CPVL: variants seen among roughly 807,000 people sequenced by gnomAD.
CPVL encodes the protein carboxypeptidase vitellogenic like, also known as probable serine carboxypeptidase CPVL.
Under a neutral mutation model 63.7 loss-of-function variants are expected in CPVL, and 51 were observed. The observed-to-expected ratio is 0.80, with a 90% CI of 0.64 to 1.01. CPVL has a LOEUF of 1.01. Ranked by LOEUF, CPVL falls within the 50% of genes least tolerant of loss-of-function variation. CPVL has a pLI of 0.00. For synonymous variants in CPVL, 195 were observed against 206.0 expected, an observed-to-expected ratio of 0.95 and a Z score of 0.46; for missense variants, 530 against 573.1, an observed-to-expected ratio of 0.92 and a Z score of 0.77.
chr7:29,158,761 GAA>G (rs2128705829), intron 5 of CPVL, among the ~76,000 whole-genome samples: 1 of 152,290 alleles, frequency 6.6e-6, no homozygotes, highest in African/African-American at 2.4e-5. Context: ...AATCAAATGT[GAA>G]AGAGATTAGT....
intron 7 of CPVL, among the ~76,000 whole-genome samples, chr7:29,076,699 C>A (rs543639429): frequency 2.9e-4 from 44 of 152,244 alleles, no homozygotes; most frequent in African/African-American, 1.0e-3. Context: ...AGCTCACCTC[C>A]AACAAGAAGG....
Position 29,112,740 on chromosome 7 carries a change from G to C in CPVL, c.252C>G (p.Tyr84Ter), listed in dbSNP as rs556210551. The C allele has an allele frequency of 2.5e-6, 4 of 1,613,524 alleles. No individual in the cohort carries two copies. Among genetic ancestry groups the C allele is most frequent in the Non-Finnish European group, 3.4e-6 (4 of 1,179,746 alleles). ...YAGFLTVNKT[Y>*]NSNLFFWFFP... The stretch of plus-strand genomic sequence containing the variant: ...AGAACCAGAAGAAGAGGTTGCTGTT[G>C]TAAGTCTTATTCACGGTGAGGAAGC... The change falls in exon 3 of 13, where the codon TAC becomes TAG. Residue 84 changes from tyrosine to a stop codon, truncating the protein, a stop_gained. Transcript: ENST00000265394. LOFTEE classifies it high-confidence loss of function.
At chr7:29,187,369 AAG>A (rs1318101553) in intron 1 of CPVL, among the ~76,000 whole-genome samples, 4 of 150,918 alleles carry the variant, frequency 2.7e-5, no homozygotes, top group Middle Eastern at 3.2e-3. Context: ...GTGTGTGACA[AAG>A]AGAGAGACAG....
At chr7:29,032,999 G>C (rs181050954) in intron 11 of CPVL, among the ~76,000 whole-genome samples, 2 of 152,252 alleles carry the variant, frequency 1.3e-5, no homozygotes, top group African/African-American at 2.4e-5. Flanking sequence ...CAACTCTCTG[G>C]ACCAAGAAAC....
chr7:29,080,046 G>A (rs1418073082), intron 7 of CPVL, among the ~76,000 whole-genome samples: 1 of 152,082 alleles, frequency 6.6e-6, no homozygotes, highest in Non-Finnish European at 1.5e-5. Flanking sequence ...AGATGGCCCT[G>A]GAAAACAACG....
intron 12 of CPVL, among the ~76,000 whole-genome samples, chr7:29,027,202 T>C (rs1295450888): frequency 6.6e-6 from 1 of 152,172 alleles, no homozygotes; most frequent in African/African-American, 2.4e-5. Flanking sequence ...TCAATAAACA[T>C]GATACATCAC....
intron 3 of CPVL, 182 bp from the exon 4 acceptor site, chr7:29,096,399 T>C: frequency 1.7e-6 from 1 of 601,804 alleles, no homozygotes; most frequent in Non-Finnish European, 3.0e-6. Context: ...CTTTGGTTCT[T>C]TGAATGAGGC....
At chr7:29,056,574 C>T (rs187682274) in intron 11 of CPVL, among the ~76,000 whole-genome samples, 14 of 152,158 alleles carry the variant, frequency 9.2e-5, no homozygotes, top group African/African-American at 2.4e-4. Flanking sequence ...TTTATTCATT[C>T]ACCTACTGAA....
At chr7:29,092,444 T>C (rs1349586709) in intron 6 of CPVL, among the ~76,000 whole-genome samples, 179 bp downstream of exon 6, 5 of 152,206 alleles carry the variant, frequency 3.3e-5, no homozygotes, top group Non-Finnish European at 7.3e-5. Context: ...GTTTAAAAAA[T>C]AATCTTTAAT....
At chr7:29,097,400 G>A (rs1448129449) in intron 3 of CPVL, among the ~76,000 whole-genome samples, 2 of 152,190 alleles carry the variant, frequency 1.3e-5, no homozygotes, top group Non-Finnish European at 2.9e-5. Context: ...CAGTAAGTAA[G>A]AAATAAAGAC....
intron 2 of CPVL, among the ~76,000 whole-genome samples, chr7:29,118,219 TA>T (rs1350433273): frequency 6.6e-6 from 1 of 152,246 alleles, no homozygotes; most frequent in Non-Finnish European, 1.5e-5. Context: ...GCAACTCGGA[TA>T]AAGTATTTCA....
At chr7:29,040,661 A>C (rs1379152297) in intron 11 of CPVL, among the ~76,000 whole-genome samples, 1 of 152,200 alleles carries the variant, frequency 6.6e-6, no homozygotes, top group Non-Finnish European at 1.5e-5. Context: ...GAGTAAGTGA[A>C]CTTAGAATAA....
chr7:29,165,302 G>C (rs568741446), intron 5 of CPVL, among the ~76,000 whole-genome samples: 2 of 152,110 alleles, frequency 1.3e-5, no homozygotes, highest in South Asian at 4.2e-4. Context: ...ATTTTAAATG[G>C]TATTTTTATT....
At chr7:29,130,085 T>C (rs1790529566) in intron 1 of CPVL, among the ~76,000 whole-genome samples, 1 of 152,168 alleles carries the variant, frequency 6.6e-6, no homozygotes, top group Non-Finnish European at 1.5e-5. Context: ...AAATTTCTGT[T>C]AAGTTACCCA....
At chr7:29,086,735 T>G (rs1471783660) in intron 6 of CPVL, among the ~76,000 whole-genome samples, 185 bp from the exon 7 acceptor site, 4 of 152,202 alleles carry the variant, frequency 2.6e-5, no homozygotes, top group South Asian at 2.1e-4. Flanking sequence ...TTTGTGATAA[T>G]AAGAAGTTTG....
chr7:29,152,741 C>T (rs6948891), intron 5 of CPVL, among the ~76,000 whole-genome samples: 11,666 of 152,262 alleles, frequency 0.077, 1,022 homozygotes, highest in African/African-American at 0.18. Flanking sequence ...AGAGTTAACG[C>T]CATTTTGTCT....
chr7:29,024,967 T>C (rs967274896), intron 12 of CPVL, among the ~76,000 whole-genome samples: 21 of 151,794 alleles, frequency 1.4e-4, no homozygotes, highest in African/African-American at 5.1e-4. Context: ...CAGAAAACCA[T>C]CAAACCACAA....
upstream of CPVL, among the ~76,000 whole-genome samples, chr7:29,149,189 CTTTTTTTTTT>C (rs60520174): frequency 1.0e-5 from 1 of 100,340 alleles, no homozygotes; most frequent in Non-Finnish European, 1.8e-5. Context: ...GTCTGTTTCC[CTTTTTTTTTT>C]TTTTTTTTTT....
intron 2 of CPVL, among the ~76,000 whole-genome samples, chr7:29,120,433 C>T (rs562023081): frequency 6.6e-6 from 1 of 151,462 alleles, no homozygotes; most frequent in African/African-American, 2.4e-5. Context: ...AACAAACAAA[C>T]AAACAAACAA....
Sources: allele counts gnomAD v4.1 joint callset (sites outside exome capture counted in the v4.1 genomes callset), GRCh38; gene constraint gnomAD v4.1.1; transcripts MANE v1.5; gene names NCBI Gene and HGNC (gene_info 2026-07-23, HGNC 2026-07-21).